The following PRRC2B variants were observed in gnomAD, a reference collection of about 807,000 sequenced individuals.
PRRC2B encodes proline rich coiled-coil 2B.
In PRRC2B, 68 loss-of-function variants were observed where a neutral mutation model predicts 242.3. The ratio of observed to expected loss-of-function variants is 0.28; its 90% CI spans 0.23 to 0.34. The LOEUF (loss-of-function observed/expected upper bound fraction) is 0.34. PRRC2B is among the 10% of genes least tolerant of loss of function. PRRC2B has a pLI of 1.00. For missense variants in PRRC2B, 2,835 were observed against 2,954.8 expected (o/e 0.96, Z 0.94); for synonymous variants, 1,228 against 1,173.6 (o/e 1.05, Z -0.95).
In PRRC2B at chr9:131,470,977, C is replaced by T; in HGVS notation, c.2101C>T (p.Pro701Ser). The change falls in exon 14 of 32, where the codon CCC (proline) becomes TCC (serine). Residue 701 changes from proline (P) to serine (S), a missense_variant. Physicochemically the swap from Pro to Ser is moderately conservative, Grantham distance 74. Transcript: ENST00000683519. ...GGACTTCTACCCCTCCGCCCTGCAT[C>T]CCTCAGGTAAGCACTGTGGTCTGAC... ...PVDFYPSALH[P>S]SGLMKPMMPQ... 1 of 1,609,906 alleles carries T rather than the reference C, an allele frequency of 6.2e-7. No homozygotes were observed. Among genetic ancestry groups the T allele is most frequent in the South Asian group, 1.1e-5 (1 of 90,862 alleles).
intron 14 of PRRC2B, among the ~76,000 whole-genome samples, chr9:131,472,341 G>A (rs1943569426): frequency 6.6e-6 from 1 of 152,060 alleles, no homozygotes; most frequent in African/African-American, 2.4e-5. Flanking sequence ...GTCTTGCTCT[G>A]TCATGCAGGT....
At chr9:131,387,973 T>A (rs150936947) in intron 1 of PRRC2B, among the ~76,000 whole-genome samples, 2,904 of 150,638 alleles carry the variant, frequency 0.019, 145 homozygotes, top group African/African-American at 0.061. Context: ...GGTGGATCAC[T>A]TGAGGCCAGG....
rs1020192347 is a variant in PRRC2B at position 131,446,734 on chromosome 9, C to G, written c.855+92C>G. 1 of 1,419,032 alleles carries G rather than the reference C, an allele frequency of 7.0e-7. No homozygotes were observed. Among genetic ancestry groups the G allele is most frequent in the South Asian group, 1.3e-5 (1 of 75,374 alleles). The allele number at this position is 1,419,032 out of a possible 1,614,324, so 87.9% of individuals were successfully genotyped here. ...TGGTTGAATGTCCCCCTTGGGGTCT[C>G]CTCTTGGCCCTGTTACCCTACTTCT... is the stretch of plus-strand genomic sequence containing the variant. On this transcript the variant is annotated intron_variant, in intron 7 of 31. Transcript: ENST00000683519. The surrounding 1 kb of genome is among the most constrained non-coding windows in gnomAD (Gnocchi z 4.1).
In PRRC2B at chr9:131,487,876, C is replaced by T; in HGVS notation, c.6005C>T (p.Pro2002Leu). ...TGCAGATCTCAGGTGTACATGCACCCCAGCCTGTCACCGCCCAGCACCATG... is the reference window on the plus strand; with the variant it reads ...TGCAGATCTCAGGTGTACATGCACCTCAGCCTGTCACCGCCCAGCACCATG... ...QPFRSQVYMHPSLSPPSTMIL... is the reference protein window; with the variant it reads ...QPFRSQVYMHLSLSPPSTMIL... The change falls in exon 28 of 32, where the codon CCC becomes CTC. Residue 2002 changes from proline to leucine, a missense_variant. Coordinates refer to ENST00000683519, the MANE Select transcript of PRRC2B (RefSeq NM_013318.4). This position sits in a 1 kb window ranked among gnomAD's most constrained non-coding sequence, Gnocchi z 5.3. The T allele has an allele frequency of 1.2e-6, 2 of 1,611,948 alleles. No homozygotes were observed. Among genetic ancestry groups the T allele is most frequent in the Non-Finnish European group, 1.7e-6 (2 of 1,178,282 alleles).
At chr9:131,410,822 T>G (rs1422607062) in intron 1 of PRRC2B, among the ~76,000 whole-genome samples, 3 of 152,238 alleles carry the variant, frequency 2.0e-5, no homozygotes, top group Non-Finnish European at 2.9e-5. Flanking sequence ...TAGCTCTCTT[T>G]AGGCTTTTTC....
chr9:131,387,226 C>T (rs551572695), intron 1 of PRRC2B, among the ~76,000 whole-genome samples: 3 of 150,464 alleles, frequency 2.0e-5, no homozygotes, highest in South Asian at 2.1e-4. Context: ...GTCTCGAACT[C>T]CCGATCTCAG....
At chr9:131,445,422 G>A (rs1015790443) in intron 6 of PRRC2B, among the ~76,000 whole-genome samples, 20 of 152,306 alleles carry the variant, frequency 1.3e-4, no homozygotes, top group African/African-American at 4.8e-4. Context: ...GCCTCCCAAA[G>A]TGCTGGGATT....
At chr9:131,406,351 G>A (rs1233089655) in intron 1 of PRRC2B, among the ~76,000 whole-genome samples, 1 of 152,180 alleles carries the variant, frequency 6.6e-6, no homozygotes, top group Admixed American at 6.5e-5. Context: ...GAGCAAGGGC[G>A]TTTGATAGCT....
At chr9:131,460,545 G>A (rs998006679) in intron 11 of PRRC2B, among the ~76,000 whole-genome samples, 3 of 152,176 alleles carry the variant, frequency 2.0e-5, no homozygotes, top group Non-Finnish European at 4.4e-5. Context: ...TTAATGGGGT[G>A]CCTGCCAGGT....
chr9:131,457,770 A>T (rs1943125001), intron 10 of PRRC2B, among the ~76,000 whole-genome samples: 1 of 152,094 alleles, frequency 6.6e-6, no homozygotes, highest in African/African-American at 2.4e-5. Flanking sequence ...GGTCTTTTAG[A>T]CAGGTCAGCA....
intron 1 of PRRC2B, among the ~76,000 whole-genome samples, chr9:131,416,326 C>T (rs1432297063): frequency 6.6e-6 from 1 of 152,106 alleles, no homozygotes; most frequent in African/African-American, 2.4e-5. Context: ...CCAGGCTGGT[C>T]TCGAACCCCT....
chr9:131,407,357 G>GGT (rs1837393589), intron 1 of PRRC2B, among the ~76,000 whole-genome samples: 1 of 152,128 alleles, frequency 6.6e-6, no homozygotes, highest in Non-Finnish European at 1.5e-5. Context: ...TTTTGGGTGA[G>GGT]GTGAGGAGTC....
intron 12 of PRRC2B, among the ~76,000 whole-genome samples, chr9:131,466,722 C>T (rs144411901): frequency 0.011 from 1,700 of 152,024 alleles, 39 homozygotes; most frequent in East Asian, 0.046. Context: ...TGGGTTCAAG[C>T]GATTCTCTCA....
At chr9:131,395,068 T>G (rs534700039) in intron 1 of PRRC2B, among the ~76,000 whole-genome samples, 1 of 151,636 alleles carries the variant, frequency 6.6e-6, no homozygotes, top group South Asian at 2.1e-4. Flanking sequence ...AAGAGGTGGA[T>G]TTTTTTCCTT....
At chr9:131,407,901 G>A (rs575147511) in intron 1 of PRRC2B, among the ~76,000 whole-genome samples, 95 of 152,302 alleles carry the variant, frequency 6.2e-4, no homozygotes, top group African/African-American at 2.2e-3. Context: ...CCTTAGTGGC[G>A]GTTAGGAGGA....
chr9:131,428,334 C>T (rs1255095375), intron 1 of PRRC2B, among the ~76,000 whole-genome samples: 3 of 152,152 alleles, frequency 2.0e-5, no homozygotes, highest in African/African-American at 7.2e-5. Flanking sequence ...GATCCTCCTG[C>T]CTCAGCCTCC....
Position 131,494,338 on chromosome 9 carries a change from T to C in PRRC2B, c.6474-67T>C, listed in dbSNP as rs1588286209. On this transcript the variant is annotated intron_variant, in intron 30 of 31. Coordinates refer to ENST00000683519, the MANE Select transcript of PRRC2B (RefSeq NM_013318.4). The surrounding 1 kb of genome is among the most constrained non-coding windows in gnomAD (Gnocchi z 4.3). ...CCTTCCTTGTGCCTCCTCCATGTGC[T>C]AGGCTTTGACTCCATTTCTGTGGTG... The C allele has an allele frequency of 1.3e-5, 11 of 849,828 alleles. No homozygotes were observed. In the East Asian group the frequency reaches 2.7e-4, roughly 21 times the overall value. 52.6% of individuals were successfully genotyped at this position (849,828 alleles called of 1,614,324 possible).
chr9:131,384,038 C>T (rs534267224), intron 1 of PRRC2B, among the ~76,000 whole-genome samples: 2 of 151,698 alleles, frequency 1.3e-5, no homozygotes, highest in East Asian at 3.9e-4. Context: ...CCCACCTCAG[C>T]CCCTGAGTAG....
upstream of PRRC2B, among the ~76,000 whole-genome samples, chr9:131,391,707 T>C (rs1377753347): frequency 1.3e-5 from 2 of 152,194 alleles, no homozygotes; most frequent in Non-Finnish European, 2.9e-5. Flanking sequence ...ACATAGTAAG[T>C]GCTCAGTAAA....
Sources: gnomAD v4.1 joint callset for allele counts (sites outside exome capture counted in the v4.1 genomes callset) on GRCh38, gnomAD v4.1.1 for gene constraint, Gnocchi (gnomAD v3.1) non-coding constraint, MANE v1.5 for transcripts, NCBI Gene and HGNC (gene_info 2026-07-23, HGNC 2026-07-21) for gene names.